KCNH7: variants seen among roughly 807,000 people sequenced by gnomAD.
KCNH7 encodes voltage-gated inwardly rectifying potassium channel KCNH7.
KCNH7 carries 49 observed loss-of-function variants against 120.8 expected under a neutral mutation model. The observed-to-expected ratio is 0.41, with a 90% confidence interval of 0.32 to 0.51. The LOEUF is 0.51. Among genes scored for constraint, KCNH7 ranks in the 20% least tolerant of loss-of-function variants. The probability of loss-of-function intolerance (pLI) is 0.38; values close to 1 mark genes in which losing one functional copy is unlikely to be tolerated. For missense variants in KCNH7, 1,097 were observed against 1,446.6 expected, an observed-to-expected ratio of 0.76 and a Z score of 3.92; for synonymous variants, 547 against 516.1, an observed-to-expected ratio of 1.06 and a Z score of -0.81.
intron 2 of KCNH7, among the ~76,000 whole-genome samples, chr2:162,702,928 T>C (rs1448020884): frequency 6.6e-6 from 1 of 152,132 alleles, no homozygotes; most frequent in Non-Finnish European, 1.5e-5. Context: ...AGTGTTTGAT[T>C]TATCTTTGGA....
chr2:162,562,080 C>T (rs752797896), intron 2 of KCNH7, among the ~76,000 whole-genome samples: 1 of 151,908 alleles, frequency 6.6e-6, no homozygotes, highest in Non-Finnish European at 1.5e-5. Flanking sequence ...GGCTAGGGGA[C>T]GGATAGCATT....
At chr2:162,757,668 T>C (rs1003657121) in intron 2 of KCNH7, among the ~76,000 whole-genome samples, 2 of 152,058 alleles carry the variant, frequency 1.3e-5, no homozygotes, top group Non-Finnish European at 2.9e-5. Context: ...AATCATGCTA[T>C]AGAGAATGAC....
intron 2 of KCNH7, among the ~76,000 whole-genome samples, chr2:162,793,537 A>G (rs1344479738): frequency 6.6e-6 from 1 of 152,108 alleles, no homozygotes; most frequent in Non-Finnish European, 1.5e-5. Context: ...AGAGGTAAAA[A>G]GATCTATATA....
intron 2 of KCNH7, among the ~76,000 whole-genome samples, chr2:162,660,506 G>T (rs900999652): frequency 2.0e-5 from 3 of 152,094 alleles, no homozygotes; most frequent in Admixed American, 2.0e-4. Flanking sequence ...TAAATGTGAA[G>T]GTATGCTTAA....
chr2:162,818,344 C>G (rs1304568561), intron 2 of KCNH7, among the ~76,000 whole-genome samples: 1 of 151,866 alleles, frequency 6.6e-6, no homozygotes, highest in Non-Finnish European at 1.5e-5. Context: ...GTTAATCTAG[C>G]TCATTTGTTG....
At chr2:162,507,527 A>G (rs1259315093) in intron 5 of KCNH7, among the ~76,000 whole-genome samples, 1 of 151,566 alleles carries the variant, frequency 6.6e-6, no homozygotes, top group Non-Finnish European at 1.5e-5. Flanking sequence ...TAATGTCTCA[A>G]TTGCCATTTC....
chr2:162,784,215 T>A (rs974667878), intron 2 of KCNH7, among the ~76,000 whole-genome samples: 2 of 152,240 alleles, frequency 1.3e-5, no homozygotes, highest in East Asian at 1.9e-4. Context: ...AAATCAGCAA[T>A]GATTTATTGA....
At chr2:162,638,596 A>G (rs918315934) in intron 2 of KCNH7, among the ~76,000 whole-genome samples, 4 of 152,156 alleles carry the variant, frequency 2.6e-5, no homozygotes, top group Admixed American at 6.6e-5. Flanking sequence ...TCAAAAAATC[A>G]AAGTCGAAAG....
chr2:162,508,744 A>T (rs1336298670), intron 5 of KCNH7, among the ~76,000 whole-genome samples: 1 of 151,662 alleles, frequency 6.6e-6, no homozygotes, highest in African/African-American at 2.4e-5. Context: ...CTAAGTCTAT[A>T]TTCAGAGAGG....
rs1286385782 is a variant in KCNH7 at position 162,446,436 on chromosome 2, G to C, written c.1136C>G (p.Ser379Cys). The C allele has an allele frequency of 6.2e-7, 1 of 1,603,760 alleles. No individual in the cohort carries two copies. ...TTCAGGTAGGACATCTGCTCCTAAA[G>C]AGAGAACCTGAATGTGCAAAAGAAA... Reference protein sequence around the residue: ...NVTEKVTQVLSLGADVLPEYK... With the variant: ...NVTEKVTQVLCLGADVLPEYK... Residue 379 changes from serine (S) to cysteine (C), a missense_variant, in exon 7 of 16, where the codon TCT becomes TGT. Coordinates refer to ENST00000332142, the MANE Select transcript of KCNH7 (RefSeq NM_033272.4).
At chr2:162,510,398 A>G (rs1558985680) in intron 5 of KCNH7, among the ~76,000 whole-genome samples, 1 of 151,624 alleles carries the variant, frequency 6.6e-6, no homozygotes, top group Non-Finnish European at 1.5e-5. Context: ...AGGGGAAAAG[A>G]ATACATATCA....
chr2:162,375,709 C>T (rs911717939), intron 14 of KCNH7, among the ~76,000 whole-genome samples: 1 of 151,936 alleles, frequency 6.6e-6, no homozygotes, highest in Non-Finnish European at 1.5e-5. Flanking sequence ...GGGTGGATCA[C>T]TTGACCTCAG....
chr2:162,688,931 C>T (rs1322226110), intron 2 of KCNH7, among the ~76,000 whole-genome samples: 1 of 151,834 alleles, frequency 6.6e-6, no homozygotes, highest in Non-Finnish European at 1.5e-5. Context: ...TGCTGGGTAA[C>T]TTTTGAGCCT....
At chr2:162,576,279 C>A (rs1409874229) in intron 2 of KCNH7, among the ~76,000 whole-genome samples, 1 of 152,042 alleles carries the variant, frequency 6.6e-6, no homozygotes, top group East Asian at 1.9e-4. Flanking sequence ...ATTCAAAAGA[C>A]AAGAATAATT....
intron 2 of KCNH7, among the ~76,000 whole-genome samples, chr2:162,680,311 C>T (rs1431528092): frequency 2.0e-5 from 3 of 151,406 alleles, no homozygotes; most frequent in African/African-American, 7.3e-5. Context: ...ACATACAAAC[C>T]GAGTCACATG....
At chr2:162,530,726 A>AT (rs1166411454) in intron 3 of KCNH7, among the ~76,000 whole-genome samples, 4 of 151,770 alleles carry the variant, frequency 2.6e-5, no homozygotes, top group African/African-American at 9.6e-5. Context: ...TTTATTCTTT[A>AT]TTTTTTTTAA....
chr2:162,531,044 C>T (rs374590779), intron 3 of KCNH7, among the ~76,000 whole-genome samples: 3 of 151,840 alleles, frequency 2.0e-5, no homozygotes, highest in African/African-American at 7.3e-5. Flanking sequence ...TTGTAATGCT[C>T]TGGAAATAAT....
chr2:162,709,372 A>T (rs1686838509), intron 2 of KCNH7, among the ~76,000 whole-genome samples: 1 of 152,072 alleles, frequency 6.6e-6, no homozygotes, highest in South Asian at 2.1e-4. Flanking sequence ...CTTATTTTTG[A>T]TGATTGAGCA....
intron 2 of KCNH7, among the ~76,000 whole-genome samples, chr2:162,752,990 A>G (rs928346268): frequency 7.3e-6 from 1 of 136,748 alleles, no homozygotes; most frequent in Admixed American, 7.2e-5. Flanking sequence ...AAAGAAAAGA[A>G]AAGAAAAGAA....
Sources: gnomAD v4.1 joint callset for allele counts (sites outside exome capture counted in the v4.1 genomes callset) on GRCh38, gnomAD v4.1.1 for gene constraint, MANE v1.5 for transcripts, NCBI Gene and HGNC (gene_info 2026-07-23, HGNC 2026-07-21) for gene names.